The following CTC1 variants were observed in gnomAD, a reference collection of about 807,000 sequenced individuals.
CTC1 encodes CST telomere replication complex component 1.
A neutral mutation model predicts 136.3 loss-of-function variants in CTC1; 91 were observed. The observed-to-expected ratio is 0.67, with a 90% CI of 0.56 to 0.79. The LOEUF (loss-of-function observed/expected upper bound fraction) is 0.79. Ranked by LOEUF, CTC1 falls within the 30% of genes least tolerant of loss-of-function variation. The probability of loss-of-function intolerance (pLI) is 0.00; values close to 1 mark genes in which losing one functional copy is unlikely to be tolerated. For missense variants in CTC1, 1,432 were observed against 1,498.1 expected, an observed-to-expected ratio of 0.96 and a Z score of 0.73; for synonymous variants, 606 against 613.8, an observed-to-expected ratio of 0.99 and a Z score of 0.19.
At position 8,225,279 on chromosome 17, in the gene CTC1, C is replaced by T. The variant is rs1280481301; in HGVS notation, c.*2901G>A. The T allele has an allele frequency of 6.6e-6, 1 of 152,276 alleles. No homozygotes were observed. The highest frequency in any genetic ancestry group is 2.4e-5 in the African/African-American group (1 of 41,454). 9.4% of individuals were successfully genotyped at this position (152,276 alleles called of 1,614,324 possible). A position where few individuals can be genotyped will look rare whatever the true frequency, so the allele number is the denominator to read the frequency against. On this transcript the variant is annotated 3_prime_UTR_variant, in exon 23 of 23. Transcript: ENST00000651323. The stretch of plus-strand genomic sequence containing the variant: ...CGTTAGTGCTGAAAGGGGAACGTGC[C>T]TTGTTCATTTGGTTCTGCACAGGGT...
chr17:8,235,708 C>T, intron 7 of CTC1, 123 bp downstream of exon 7: 1 of 1,049,354 alleles, frequency 9.5e-7, no homozygotes, highest in Non-Finnish European at 1.3e-6. Flanking sequence ...AGCAAAAGTG[C>T]CCCCTAACAC....
intron 1 of CTC1, among the ~76,000 whole-genome samples, chr17:8,246,965 CTTATTTATTTAT>C (rs147423378): frequency 0.3 from 41,771 of 141,228 alleles, 7,036 homozygotes; most frequent in Non-Finnish European, 0.39. Flanking sequence ...TTCTTAACAT[CTTATTTATTTAT>C]TTATTTATTT....
rs1462832679 is a variant in CTC1, at chr17:8,228,697, C to G, written c.3387+30G>C. The G allele has an allele frequency of 6.2e-6, 10 of 1,613,928 alleles. No homozygotes were observed. In the Admixed American group the frequency reaches 1.7e-4, roughly 27 times the overall value. On this transcript the variant is annotated intron_variant, in intron 21 of 22. Transcript: ENST00000651323. The stretch of plus-strand genomic sequence containing the variant: ...GCCAAAAGCCCAGGAATTTGGGTAT[C>G]CGAGTCCCTCCCTCCCAGCCACATT...
intron 10 of CTC1, 62 bp from the exon 11 acceptor site, chr17:8,233,094 T>C (rs1164377541): frequency 1.2e-5 from 19 of 1,565,898 alleles, no homozygotes; most frequent in Non-Finnish European, 1.7e-5. Flanking sequence ...GCATCTACTA[T>C]TTGCCAGATG....
At chr17:8,232,799 C>T in intron 11 of CTC1, 107 bp downstream of exon 11, 2 of 1,408,780 alleles carry the variant, frequency 1.4e-6, no homozygotes, top group South Asian at 1.3e-5. Flanking sequence ...TGACATGTGT[C>T]ACTTCTGCAT....
At position 8,238,544 on chromosome 17, in the gene CTC1, A is replaced by T; in HGVS notation, c.283T>A (p.Trp95Arg). 6.2e-7 allele frequency: 1 copy of T among 1,614,204 alleles called. No homozygotes were observed. The highest frequency in any genetic ancestry group is 8.5e-7 in the Non-Finnish European group (1 of 1,180,032). Residue 95 changes from tryptophan to arginine, a missense_variant, in exon 3 of 23, where the codon TGG (tryptophan) becomes AGG (arginine). Trp to Arg is a moderately radical substitution (Grantham distance 101). Coordinates refer to ENST00000651323, the MANE Select transcript of CTC1 (RefSeq NM_025099.6). ...LSWSSSAYQAWAQEAGPNGNP... is the reference protein window; with the variant it reads ...LSWSSSAYQARAQEAGPNGNP... ...CCATTTGGTCCAGCCTCTTGGGCCC[A>T]GGCCTGGTATGCACTACTGCTCCAC... is the stretch of plus-strand genomic sequence containing the variant.
chr17:8,231,140 C>A lies in CTC1; in HGVS notation c.2669+136G>T, dbSNP rs543703636. On this transcript the variant is annotated intron_variant, in intron 15 of 22. Transcript: ENST00000651323. ...TAGGCAACAGAGTGAGACTCCGTCT[C>A]AAAAAAAAACAAACAAAAACAACAA... 67 of 714,262 alleles carry A rather than the reference C, an allele frequency of 9.4e-5. No homozygotes were observed. The Middle Eastern group carries it at 9.4e-4, about 10-fold the overall frequency. 44.2% of individuals were successfully genotyped at this position (714,262 alleles called of 1,614,324 possible).
chr17:8,236,374 A>G (rs767149885), intron 5 of CTC1, 32 bp from the exon 6 acceptor site: 2 of 1,584,780 alleles, frequency 1.3e-6, no homozygotes, highest in Non-Finnish European at 1.7e-6. Flanking sequence ...AATGTGACAC[A>G]AGAGACCCCA....
chr17:8,231,618 G>C (rs1987233687), intron 14 of CTC1, 108 bp downstream of exon 14: 1 of 1,267,308 alleles, frequency 7.9e-7, no homozygotes, highest in African/African-American at 1.5e-5. Context: ...TCTAAATCCA[G>C]CCTTCTTCCA....
intron 2 of CTC1, among the ~76,000 whole-genome samples, chr17:8,241,849 CAAAAAAAAAA>C (rs59476896): frequency 1.0e-5 from 1 of 96,352 alleles, no homozygotes; most frequent in Non-Finnish European, 1.9e-5. Context: ...GACCCTGTCT[CAAAAAAAAAA>C]AAAAAAAAAG....
intron 2 of CTC1, among the ~76,000 whole-genome samples, chr17:8,242,549 AAAAAATATATATAT>A (rs1446307102): frequency 3.9e-5 from 3 of 77,690 alleles, no homozygotes; most frequent in South Asian, 4.0e-4. Flanking sequence ...AAAAAAAAAA[AAAAAATATATATAT>A]ATATATATAT....
chr17:8,233,126 C>T (rs1162093477), intron 10 of CTC1, 94 bp from the exon 11 acceptor site: 1 of 1,324,302 alleles, frequency 7.6e-7, no homozygotes, highest in South Asian at 1.4e-5. Flanking sequence ...GGTAAAGCTA[C>T]AAAATGAACA....
intron 15 of CTC1, 170 bp from the exon 16 acceptor site, chr17:8,230,821 T>C: frequency 1.6e-6 from 1 of 619,180 alleles, no homozygotes; most frequent in African/African-American, 1.8e-5. Context: ...ACAGGGCCTA[T>C]GGGAAAAAGA....
In CTC1 at chr17:8,238,036, C is replaced by A. The variant is rs754843859; in HGVS notation, c.642G>T (p.Arg214Ser). Residue 214 changes from arginine (R) to serine (S), a missense_variant, in exon 4 of 23, where the codon AGG becomes AGT. Transcript: ENST00000651323. ...LYPESASCLL[R>S]LRNKLRGVQR... ...TGCCTAGAGGGGGAAATTACCTGAG[C>A]CTGAGCAGGCAGGAAGCACTCTCTG... 1.2e-6 allele frequency: 2 copies of A among 1,612,512 alleles called. No homozygotes were observed. Among genetic ancestry groups the A allele is most frequent in the Non-Finnish European group, 1.7e-6 (2 of 1,178,844 alleles).
rs1007646018 is a variant in CTC1, at chr17:8,231,725, C to T, written c.2475+1G>A. The T allele has an allele frequency of 8.7e-6, 14 of 1,613,530 alleles. No homozygotes were observed. The highest frequency in any genetic ancestry group is 1.2e-5 in the Non-Finnish European group (14 of 1,179,548). ...AAGGTATGATGAAGTAGGACACTCA[C>T]AGCGGGGCCAGGAGCTATGAGTCGG... On this transcript the variant is annotated splice_donor_variant, in intron 14 of 22. Coordinates refer to ENST00000651323, the MANE Select transcript of CTC1 (RefSeq NM_025099.6). LOFTEE classifies it high-confidence loss of function.
intron 2 of CTC1, among the ~76,000 whole-genome samples, chr17:8,239,670 C>T (rs547491006): frequency 1.3e-5 from 2 of 152,126 alleles, no homozygotes; most frequent in African/African-American, 2.4e-5. Context: ...GATCCATCTG[C>T]CTCAGCCTCC....
rs1987939410 is a variant in CTC1 at position 8,238,515 on chromosome 17, G to T, written c.312C>A (p.Asn104Lys). ...AWAQEAGPNGNPLPREQLLLL... is the reference protein window; with the variant it reads ...AWAQEAGPNGKPLPREQLLLL... ...GTAACAGCTGCTCTCGGGGCAGGGG[G>T]TTCCCATTTGGTCCAGCCTCTTGGG... The change falls in exon 3 of 23, where the codon AAC becomes AAA. Residue 104 changes from asparagine to lysine, a missense_variant. By Grantham distance (94) the Asn-to-Lys change is moderately conservative. Transcript: ENST00000651323. 1 of 1,614,166 alleles carries T rather than the reference G, an allele frequency of 6.2e-7. No individual in the cohort carries two copies. Among genetic ancestry groups the T allele is most frequent in the Non-Finnish European group, 8.5e-7 (1 of 1,180,032 alleles).
At chr17:8,237,666 A>AG (rs1987856477) in intron 4 of CTC1, 147 bp from the exon 5 acceptor site, 1 of 85,166 alleles carries the variant, frequency 1.2e-5, no homozygotes, top group Non-Finnish European at 1.8e-5. Context: ...ACTACGTCTC[A>AG]AAAAAAAAAA....
In CTC1 at chr17:8,228,971, C is replaced by T. The variant is rs1022869563; in HGVS notation, c.3222-79G>A. 5 of 1,515,566 alleles carry T rather than the reference C, an allele frequency of 3.3e-6. No individual in the cohort carries two copies. In the South Asian group the frequency reaches 3.7e-5, roughly 11 times the overall value. The allele number at this position is 1,515,566 out of a possible 1,614,324, so 93.9% of individuals were successfully genotyped here. A position where few individuals can be genotyped will look rare whatever the true frequency, so the allele number is the denominator to read the frequency against. ...CCCTGGACCCAACATGCCTCCCTCCCCGCTGTCTGCAGTCTTTGGCTCACA... is the reference window on the plus strand; with the variant it reads ...CCCTGGACCCAACATGCCTCCCTCCTCGCTGTCTGCAGTCTTTGGCTCACA... On this transcript the variant is annotated intron_variant, in intron 20 of 22. Transcript: ENST00000651323.
Sources: gnomAD v4.1 joint callset for allele counts (sites outside exome capture counted in the v4.1 genomes callset) on GRCh38, gnomAD v4.1.1 for gene constraint, MANE v1.5 for transcripts, NCBI Gene and HGNC (gene_info 2026-07-23, HGNC 2026-07-21) for gene names.